PDE1C: variants seen among roughly 807,000 people sequenced by gnomAD.
The protein encoded by PDE1C is dual specificity calcium/calmodulin-dependent 3',5'-cyclic nucleotide phosphodiesterase 1C.
Under a neutral mutation model 93.1 loss-of-function variants are expected in PDE1C, and 62 were observed. The ratio of observed to expected loss-of-function variants is 0.67; its 90% CI spans 0.54 to 0.82. PDE1C has a LOEUF of 0.82. PDE1C is among the 40% of genes least tolerant of loss of function. PDE1C has a pLI of 0.00. For missense variants in PDE1C, 742 were observed against 884.6 expected (o/e 0.84, Z 2.04); for synonymous variants, 325 against 310.1 (o/e 1.05, Z -0.50).
chr7:32,355,705 G>T (rs1005570139), intron 1 of PDE1C, among the ~76,000 whole-genome samples: 2 of 152,120 alleles, frequency 1.3e-5, no homozygotes, highest in African/African-American at 2.4e-5. Context: ...TTATTCACCT[G>T]CCAAGCTCCC....
chr7:32,320,911 G>A (rs533973020), intron 1 of PDE1C, among the ~76,000 whole-genome samples: 14 of 152,214 alleles, frequency 9.2e-5, no homozygotes, highest in Admixed American at 6.5e-4. Context: ...CATAATCCCC[G>A]TTTACAGAGG....
chr7:31,716,669 GTAGT>G, the PDE1C span, among the ~76,000 whole-genome samples: 1 of 152,138 alleles, frequency 6.6e-6, no homozygotes, highest in African/African-American at 2.4e-5. Context: ...AGCAAACCAC[GTAGT>G]TATATTGCTT....
At chr7:31,841,152 GT>G (rs1791807661) in intron 9 of PDE1C, among the ~76,000 whole-genome samples, 1 of 150,600 alleles carries the variant, frequency 6.6e-6, no homozygotes, top group Non-Finnish European at 1.5e-5. Flanking sequence ...ATGTGCTATT[GT>G]AAAAAATTAT....
intron 1 of PDE1C, among the ~76,000 whole-genome samples, chr7:32,212,730 C>T (rs1806138962): frequency 6.6e-6 from 1 of 152,168 alleles, no homozygotes; most frequent in African/African-American, 2.4e-5. Flanking sequence ...CTTTAAGATC[C>T]AGGTGGAGCC....
chr7:32,043,876 G>A (rs1362122851), intron 2 of PDE1C, among the ~76,000 whole-genome samples: 3 of 152,192 alleles, frequency 2.0e-5, no homozygotes, highest in Non-Finnish European at 2.9e-5. Context: ...TCTACGTGTG[G>A]GAGTATGCAG....
At chr7:31,934,862 C>T (rs1473628006) in intron 2 of PDE1C, among the ~76,000 whole-genome samples, 2 of 151,990 alleles carry the variant, frequency 1.3e-5, no homozygotes, top group South Asian at 4.1e-4. Context: ...AAATATAGTT[C>T]TACAAAAAAA....
intron 1 of PDE1C, among the ~76,000 whole-genome samples, chr7:32,308,176 G>A (rs1406410964): frequency 6.6e-6 from 1 of 152,218 alleles, no homozygotes; most frequent in Non-Finnish European, 1.5e-5. Context: ...TGGCAGCAAG[G>A]CTGGGGGAGG....
intron 2 of PDE1C, among the ~76,000 whole-genome samples, chr7:32,014,582 C>T (rs962269931): frequency 2.0e-5 from 3 of 152,214 alleles, no homozygotes; most frequent in African/African-American, 4.8e-5. Flanking sequence ...TTTTCAGCCC[C>T]GCATGCATTA....
chr7:32,276,772 C>A (rs1482110534), intron 1 of PDE1C, among the ~76,000 whole-genome samples: 3 of 152,128 alleles, frequency 2.0e-5, no homozygotes, highest in Non-Finnish European at 4.4e-5. Context: ...TCCACAAGAA[C>A]CACTCAATAC....
intron 2 of PDE1C, among the ~76,000 whole-genome samples, chr7:32,018,176 A>G (rs1354421055): frequency 6.6e-6 from 1 of 151,904 alleles, no homozygotes; most frequent in Non-Finnish European, 1.5e-5. Context: ...GTTGGTGATT[A>G]TGCTGAGAAA....
At chr7:32,035,956 A>G (rs1223109835) in intron 2 of PDE1C, among the ~76,000 whole-genome samples, 2 of 152,178 alleles carry the variant, frequency 1.3e-5, no homozygotes, top group African/African-American at 4.8e-5. Context: ...CCCTTGGATA[A>G]TGAACAAGAA....
chr7:32,111,033 G>T (rs1270566014), intron 3 of PDE1C, among the ~76,000 whole-genome samples: 1 of 152,076 alleles, frequency 6.6e-6, no homozygotes, highest in East Asian at 1.9e-4. Flanking sequence ...AGGGAAGAGG[G>T]TTTCACATAA....
intron 6 of PDE1C, among the ~76,000 whole-genome samples, chr7:31,870,802 A>G (rs1196070582): frequency 6.6e-6 from 1 of 152,002 alleles, no homozygotes; most frequent in Non-Finnish European, 1.5e-5. Context: ...GGATGCAACA[A>G]CAATAAATCA....
intron 7 of PDE1C, among the ~76,000 whole-genome samples, chr7:31,856,620 C>A (rs1240678162): frequency 6.6e-6 from 1 of 151,450 alleles, no homozygotes; most frequent in Non-Finnish European, 1.5e-5. Flanking sequence ...CCATTTTCAT[C>A]CTCATCACAA....
chr7:32,064,747 T>A (rs968366036), intron 1 of PDE1C, among the ~76,000 whole-genome samples: 1 of 152,168 alleles, frequency 6.6e-6, no homozygotes, highest in Non-Finnish European at 1.5e-5. Context: ...ACTTTTTTGT[T>A]GTATAGTAAA....
At chr7:32,395,920 T>C (rs1784832893) in intron 1 of PDE1C, among the ~76,000 whole-genome samples, 1 of 152,224 alleles carries the variant, frequency 6.6e-6, no homozygotes, top group Non-Finnish European at 1.5e-5. Flanking sequence ...AAATTTAATT[T>C]ACAGGAAAAA....
At chr7:31,789,948 GAGGA>G (rs1784391159) in intron 16 of PDE1C, 1 of 1,196,102 alleles carries the variant, frequency 8.4e-7, no homozygotes, top group African/African-American at 1.6e-5. Flanking sequence ...AAAGGATTTT[GAGGA>G]TGCCCCTTCA....
chr7:32,402,584 C>A lies in PDE1C; in HGVS notation c.310+25238G>T, dbSNP rs145449618. ...GTGAGGGTGATCTTCTTTACTCAGT[C>A]TACTGATTCAAATGCCAATCTCTTT... On this transcript the variant is annotated intron_variant, in intron 1 of 1. Transcript: ENST00000672256. Among the ~76,000 whole-genome samples the A allele has an allele frequency of 6.2e-3, 950 of 152,266 alleles. 11 individuals carry two copies. Among genetic ancestry groups the A allele is most frequent in the African/African-American group, 0.021 (892 of 41,550 alleles).
At chr7:32,331,891 C>T (rs1235710580) in intron 1 of PDE1C, among the ~76,000 whole-genome samples, 1 of 152,140 alleles carries the variant, frequency 6.6e-6, no homozygotes, top group Non-Finnish European at 1.5e-5. Flanking sequence ...AGTCCTATCC[C>T]TTGATATGGC....
Sources: allele counts gnomAD v4.1 joint callset (sites outside exome capture counted in the v4.1 genomes callset), GRCh38; gene constraint gnomAD v4.1.1; transcripts MANE v1.5; gene names NCBI Gene and HGNC (gene_info 2026-07-23, HGNC 2026-07-21).